Variants in ZNF724 observed in about 807,000 individuals in gnomAD.
The protein encoded by ZNF724 is zinc finger protein 724, also known as zinc finger protein 724 pseudogene.
In ZNF724, 14 loss-of-function variants were observed where a neutral mutation model predicts 29.3. The ratio of observed to expected loss-of-function variants is 0.48; its 90% CI spans 0.32 to 0.75. The LOEUF (loss-of-function observed/expected upper bound fraction) is 0.75, where lower values mean the gene tolerates loss of function less well. Ranked by LOEUF, ZNF724 falls within the 30% of genes least tolerant of loss-of-function variation. The pLI, the probability that ZNF724 is intolerant of heterozygous loss-of-function variation, is 0.04. For missense variants in ZNF724, 557 were observed against 571.2 expected (o/e 0.98, Z 0.25); for synonymous variants, 180 against 193.6 (o/e 0.93, Z 0.58).
At chr19:23,226,873 T>C (rs531621719) in intron 3 of ZNF724, among the ~76,000 whole-genome samples, 14 of 152,242 alleles carry the variant, frequency 9.2e-5, no homozygotes, top group South Asian at 2.1e-4. Flanking sequence ...GAGTTACAAA[T>C]TGTCTAAAAT....
chr19:23,249,681 A>G (rs1972313071), intron 1 of ZNF724, among the ~76,000 whole-genome samples: 1 of 151,912 alleles, frequency 6.6e-6, no homozygotes, highest in African/African-American at 2.4e-5. Flanking sequence ...TTATAGGCGC[A>G]GGCCACTGTG....
At chr19:23,229,829 A>G (rs577995476) in intron 3 of ZNF724, among the ~76,000 whole-genome samples, 3 of 152,212 alleles carry the variant, frequency 2.0e-5, no homozygotes, top group East Asian at 3.9e-4. Flanking sequence ...CACAGACACC[A>G]GTGCAAAACT....
At chr19:23,249,326 C>T (rs957903019) in intron 1 of ZNF724, among the ~76,000 whole-genome samples, 1 of 151,266 alleles carries the variant, frequency 6.6e-6, no homozygotes, top group African/African-American at 2.4e-5. Flanking sequence ...TCACTGCAAC[C>T]TCCTCCCAGG....
intron 1 of ZNF724, among the ~76,000 whole-genome samples, chr19:23,248,525 G>A (rs887109563): frequency 2.0e-5 from 3 of 151,630 alleles, no homozygotes; most frequent in Non-Finnish European, 4.4e-5. Flanking sequence ...CAATTAGTCT[G>A]AGGTGGAAAT....
intron 1 of ZNF724, among the ~76,000 whole-genome samples, chr19:23,234,689 T>C (rs1599642190): frequency 6.6e-6 from 1 of 152,124 alleles, no homozygotes. Context: ...TGACATCAGG[T>C]GATCCACCCA....
At chr19:23,250,019 C>A (rs1054142762) in intron 1 of ZNF724, among the ~76,000 whole-genome samples, 6 of 152,176 alleles carry the variant, frequency 3.9e-5, no homozygotes. Context: ...CAGGTCAGGG[C>A]ACAGTCACTG....
At chr19:23,247,794 GC>G (rs1439823564) in intron 1 of ZNF724, among the ~76,000 whole-genome samples, 1 of 152,188 alleles carries the variant, frequency 6.6e-6, no homozygotes, top group Non-Finnish European at 1.5e-5. Flanking sequence ...ATGGAAAATG[GC>G]TTGGATAAAA....
At chr19:23,246,948 C>A (rs1375965163) in intron 1 of ZNF724, among the ~76,000 whole-genome samples, 1 of 152,130 alleles carries the variant, frequency 6.6e-6, no homozygotes, top group African/African-American at 2.4e-5. Context: ...GAAGGCTGGG[C>A]ACGGTGACTC....
chr19:23,239,635 T>A (rs1287395481), intron 1 of ZNF724, among the ~76,000 whole-genome samples: 1 of 151,998 alleles, frequency 6.6e-6, no homozygotes, highest in East Asian at 1.9e-4. Flanking sequence ...TCAATTTAAA[T>A]ACCTAACTCT....
At chr19:23,247,871 C>T (rs1434255661) in intron 1 of ZNF724, among the ~76,000 whole-genome samples, 1 of 152,106 alleles carries the variant, frequency 6.6e-6, no homozygotes, top group Non-Finnish European at 1.5e-5. Flanking sequence ...CCCTCTAAGC[C>T]CCAGGGCATT....
chr19:23,245,482 G>T (rs1298052134), intron 1 of ZNF724, among the ~76,000 whole-genome samples: 2 of 152,040 alleles, frequency 1.3e-5, no homozygotes, highest in African/African-American at 2.4e-5. Flanking sequence ...GCGTGGTGGC[G>T]GGCGCCAGTA....
intron 1 of ZNF724, among the ~76,000 whole-genome samples, chr19:23,248,753 G>C (rs945002787): frequency 6.6e-6 from 1 of 152,088 alleles, no homozygotes; most frequent in African/African-American, 2.4e-5. Context: ...CTACCACTTA[G>C]GGAGGCTGAG....
rs764998578 is a variant in ZNF724, at chr19:23,223,863, C to A, written c.382G>T (p.Gly128Ter). Reference sequence around the variant, plus strand: ...CACTGGTTAAATCCATTATAACTTCCTTTGTGCACCTTGTACTCATCCACA... The same window carrying A: ...CACTGGTTAAATCCATTATAACTTCATTTGTGCACCTTGTACTCATCCACA... The part of the protein sequence containing the change: ...KSVDEYKVHK[G>*]SYNGFNQCLT... Residue 128 changes from glycine (G) to a stop codon, truncating the protein, a stop_gained, in exon 4 of 4, where the codon GGA (glycine) becomes TGA (stop). Transcript: ENST00000418100. LOFTEE classifies it low-confidence loss of function (END_TRUNC). 1 of 779,602 alleles carries A rather than the reference C, an allele frequency of 1.3e-6. No individual in the cohort carries two copies. The highest frequency in any genetic ancestry group is 2.4e-6 in the Non-Finnish European group (1 of 417,618). The allele number at this position is 779,602 out of a possible 1,614,324, so 48.3% of individuals were successfully genotyped here. A position where few individuals can be genotyped will look rare whatever the true frequency, so the allele number is the denominator to read the frequency against.
rs1370441801 is a variant in ZNF724 at position 23,227,555 on chromosome 19, C to CAAAAAAAAAAA, written c.227-3548_227-3538dup. The stretch of plus-strand genomic sequence containing the variant: ...TGGGCAACAGAGTGAGGCTCCATCT[C>CAAAAAAAAAAA]AAAAAAAAAAAAAAACAAAAAAAAA... On this transcript the variant is annotated intron_variant, in intron 3 of 3. Transcript: ENST00000418100. 3.2e-3 allele frequency among the ~76,000 whole-genome samples: 241 copies of CAAAAAAAAAAA among 75,574 alleles called. 2 individuals carry two copies. The highest frequency in any genetic ancestry group is 0.012 in the Middle Eastern group (1 of 86). The allele number at this position is 75,574 out of a possible 152,430, so 49.6% of individuals were successfully genotyped here.
At chr19:23,231,152 G>A (rs1201458856) in intron 3 of ZNF724, 114 bp downstream of exon 3, 1 of 822,442 alleles carries the variant, frequency 1.2e-6, no homozygotes. Context: ...CCAAGTGCTG[G>A]GATTACAGGC....
chr19:23,224,775 C>T (rs1048120416), intron 3 of ZNF724, among the ~76,000 whole-genome samples: 15 of 151,918 alleles, frequency 9.9e-5, no homozygotes, highest in Non-Finnish European at 1.5e-4. Flanking sequence ...GCCAATATGG[C>T]GAAACCCCGT....
At position 23,235,621 on chromosome 19, in the gene ZNF724, A is replaced by G. The variant is rs144753798; in HGVS notation, c.4-3328T>C. On this transcript the variant is annotated intron_variant, in intron 1 of 3. Transcript: ENST00000418100. ...AACTTCCAATCAGTTCTGTGAGGCC[A>G]GACTTCAAGGTGGGGCCAGACCGAA... Among the ~76,000 whole-genome samples the G allele has an allele frequency of 5.8e-3, 891 of 152,320 alleles. 7 individuals carry two copies. The highest frequency in any genetic ancestry group is 0.021 in the African/African-American group (856 of 41,566).
At chr19:23,229,998 C>G (rs1335998112) in intron 3 of ZNF724, among the ~76,000 whole-genome samples, 1 of 152,110 alleles carries the variant, frequency 6.6e-6, no homozygotes, top group Non-Finnish European at 1.5e-5. Context: ...AAATCATACA[C>G]AGTACATTTA....
chr19:23,233,753 G>T (rs185660127), intron 1 of ZNF724, among the ~76,000 whole-genome samples: 9 of 151,502 alleles, frequency 5.9e-5, no homozygotes, highest in African/African-American at 1.9e-4. Flanking sequence ...ACAGCATTCC[G>T]GAGGCAGGGC....
Sources: gnomAD v4.1 joint callset for allele counts (sites outside exome capture counted in the v4.1 genomes callset) on GRCh38, gnomAD v4.1.1 for gene constraint, MANE v1.5 for transcripts, NCBI Gene and HGNC (gene_info 2026-07-23, HGNC 2026-07-21) for gene names.